KLHL24: variants seen among roughly 807,000 people sequenced by gnomAD.
KLHL24 encodes the protein kelch-like protein 24.
In KLHL24, 29 loss-of-function variants were observed where a neutral mutation model predicts 53.4. The observed-to-expected ratio is 0.54, with a 90% confidence interval of 0.40 to 0.74. The LOEUF (loss-of-function observed/expected upper bound fraction) is 0.74, where lower values mean the gene tolerates loss of function less well. KLHL24 is among the 30% of genes least tolerant of loss of function. The pLI is 0.00. For synonymous variants in KLHL24, 222 were observed against 253.7 expected (o/e 0.88, Z 1.19); for missense variants, 504 against 744.0 (o/e 0.68, Z 3.75).
Position 183,683,508 on chromosome 3 carries a change from C to A in KLHL24, c.*4222C>A, listed in dbSNP as rs1382111159. ...TCTTTAAGGCAGTAGGTTTGACTAG[C>A]TAGCTATCATTATTGTCACATCTAA... is the stretch of plus-strand genomic sequence containing the variant. On this transcript the variant is annotated 3_prime_UTR_variant, in exon 8 of 8. Coordinates refer to ENST00000242810, the MANE Select transcript of KLHL24 (RefSeq NM_017644.3). 6.6e-6 allele frequency: 1 copy of A among 152,582 alleles called. No homozygotes were observed. The highest frequency in any genetic ancestry group is 1.5e-5 in the Non-Finnish European group (1 of 68,040). 9.5% of individuals were successfully genotyped at this position (152,582 alleles called of 1,614,324 possible).
At position 183,680,321 on chromosome 3, in the gene KLHL24, G is replaced by T. The variant is rs1712549616; in HGVS notation, c.*1035G>T. ...GAAAAGAAAAAGAAAAATAGGGATA[G>T]GTTTTCCTTCCTAGCCCAGTAGAGT... On this transcript the variant is annotated 3_prime_UTR_variant, in exon 8 of 8. Coordinates refer to ENST00000242810, the MANE Select transcript of KLHL24 (RefSeq NM_017644.3). The T allele has an allele frequency of 6.6e-6, 1 of 152,132 alleles. No individual in the cohort carries two copies. The highest frequency in any genetic ancestry group is 2.1e-4 in the South Asian group (1 of 4,830). The allele number at this position is 152,132 out of a possible 1,614,324, so 9.4% of individuals were successfully genotyped here.
At position 183,665,885 on chromosome 3, in the gene KLHL24, C is replaced by CT. The variant is rs10692613; in HGVS notation, c.1224+860dup. ...TGTCTGTAGGAACCTGAGAATCAAACTTTTTTTTTTTTTTGAGACAAGGTC... is the reference window on the plus strand; with the variant it reads ...TGTCTGTAGGAACCTGAGAATCAAACTTTTTTTTTTTTTTTGAGACAAGGTC... On this transcript the variant is annotated intron_variant, in intron 5 of 7. Transcript: ENST00000242810. 9.0e-4 allele frequency among the ~76,000 whole-genome samples: 129 copies of CT among 142,926 alleles called. 3 individuals are homozygous for CT. Among genetic ancestry groups the CT allele is most frequent in the East Asian group, 4.3e-3 (21 of 4,896 alleles). The allele number at this position is 142,926 out of a possible 152,430, so 93.8% of individuals were successfully genotyped here. A position where few individuals can be genotyped will look rare whatever the true frequency, so the allele number is the denominator to read the frequency against.
At chr3:183,672,843 A>C (rs972509233) in intron 7 of KLHL24, 1 of 150,252 alleles carries the variant, frequency 6.7e-6, no homozygotes, top group African/African-American at 2.5e-5. Flanking sequence ...AAAAATACAA[A>C]ATTAGCTGGG....
At chr3:183,642,602 C>CAA (rs377410456) in intron 1 of KLHL24, among the ~76,000 whole-genome samples, 56 of 92,954 alleles carry the variant, frequency 6.0e-4, no homozygotes, top group African/African-American at 1.4e-3. Flanking sequence ...CCCCTTCCAC[C>CAA]AAAAAAAAAA....
intron 7 of KLHL24, among the ~76,000 whole-genome samples, chr3:183,677,503 C>A (rs1712095800): frequency 6.6e-6 from 1 of 152,116 alleles, no homozygotes; most frequent in African/African-American, 2.4e-5. Context: ...CTCACAAATT[C>A]TTTCAGACCT....
intron 7 of KLHL24, among the ~76,000 whole-genome samples, chr3:183,676,189 G>A (rs1443351462): frequency 1.3e-5 from 2 of 152,054 alleles, no homozygotes; most frequent in Non-Finnish European, 2.9e-5. Flanking sequence ...TCCGCCTCCC[G>A]GGTTCAAGTG....
chr3:183,650,886 C>T lies in KLHL24; in HGVS notation c.530C>T (p.Thr177Ile), dbSNP rs751221085. The change falls in exon 3 of 8, where the codon ACC (threonine) becomes ATC (isoleucine). Residue 177 changes from threonine (T) to isoleucine (I), a missense_variant. Transcript: ENST00000242810. The surrounding 1 kb of genome is among the most constrained non-coding windows in gnomAD (Gnocchi z 4.5). ...TTAGGAATCCAGCGCTTTGCTGATA[C>T]CCATTCACTCAAAACACTCTTCACA... ...NCLGIQRFADTHSLKTLFTKC... is the reference protein window; with the variant it reads ...NCLGIQRFADIHSLKTLFTKC... 4 of 1,614,112 alleles carry T rather than the reference C, an allele frequency of 2.5e-6. No homozygotes were observed. The Admixed American group carries it at 5.0e-5, about 20-fold the overall frequency.
chr3:183,672,529 A>C, intron 7 of KLHL24, 45 bp downstream of exon 7: 2 of 1,329,014 alleles, frequency 1.5e-6, no homozygotes, highest in South Asian at 2.7e-5. Context: ...TCTAAGAGGG[A>C]CCAAGTACAT....
At chr3:183,639,446 C>T (rs900903865) in intron 1 of KLHL24, among the ~76,000 whole-genome samples, 8 of 150,006 alleles carry the variant, frequency 5.3e-5, no homozygotes, top group African/African-American at 1.7e-4. Context: ...CTGGCTAACA[C>T]GGAGAAACCC....
At chr3:183,662,603 GTC>G (rs1445672278) in intron 3 of KLHL24, among the ~76,000 whole-genome samples, 1 of 152,096 alleles carries the variant, frequency 6.6e-6, no homozygotes, top group Non-Finnish European at 1.5e-5. Context: ...GGTTATTCCT[GTC>G]TCTATTTTAA....
intron 7 of KLHL24, among the ~76,000 whole-genome samples, chr3:183,673,712 G>A (rs1721681910): frequency 6.6e-6 from 1 of 152,098 alleles, no homozygotes; most frequent in South Asian, 2.1e-4. Flanking sequence ...TACCACTCTA[G>A]AGATGTACTC....
chr3:183,654,738 T>C (rs1718611052), intron 3 of KLHL24, among the ~76,000 whole-genome samples: 1 of 152,208 alleles, frequency 6.6e-6, no homozygotes, highest in Non-Finnish European at 1.5e-5. Context: ...CAGTTTCTTT[T>C]TTATGATTCT....
At chr3:183,672,219 G>T (rs2108878246) in intron 6 of KLHL24, 77 bp from the exon 7 acceptor site, 2 of 652,184 alleles carry the variant, frequency 3.1e-6, no homozygotes, top group East Asian at 6.0e-5. Flanking sequence ...ATGTTTGTAG[G>T]TATTGGTAGA....
rs1231877013 is a variant in KLHL24, at chr3:183,672,307, T to C, written c.1425T>C (p.Tyr475=). ...DNTCSDKVQS[Y]DPETNSWLLR... Reference sequence around the variant, plus strand: ...TTATATGTTATTAGGTTCAATCTTATGATCCAGAAACCAATTCTTGGCTAC... The same window carrying C: ...TTATATGTTATTAGGTTCAATCTTACGATCCAGAAACCAATTCTTGGCTAC... Residue 475 remains tyrosine, a synonymous_variant, in exon 7 of 8, where the codon TAT becomes TAC. Coordinates refer to ENST00000242810, the MANE Select transcript of KLHL24 (RefSeq NM_017644.3). 4 of 1,580,658 alleles carry C rather than the reference T, an allele frequency of 2.5e-6. No individual in the cohort carries two copies. The highest frequency in any genetic ancestry group is 3.6e-5 in the Admixed American group (2 of 55,422).
chr3:183,652,465 C>T (rs1178349313), intron 3 of KLHL24, among the ~76,000 whole-genome samples: 1 of 151,864 alleles, frequency 6.6e-6, no homozygotes, highest in African/African-American at 2.4e-5. Context: ...AAACACATAA[C>T]ATAAACTTTA....
In KLHL24 at chr3:183,683,228, G is replaced by A. The variant is rs904385935; in HGVS notation, c.*3942G>A. On this transcript the variant is annotated 3_prime_UTR_variant, in exon 8 of 8. Coordinates refer to ENST00000242810, the MANE Select transcript of KLHL24 (RefSeq NM_017644.3). ...ATTACAGGCGTGAGCCACCACCCCC[G>A]GCCTGTATTTTCAGAGAGGAGAGCT... is the stretch of plus-strand genomic sequence containing the variant. 1.3e-5 allele frequency: 2 copies of A among 152,784 alleles called. No homozygotes were observed. Among genetic ancestry groups the A allele is most frequent in the African/African-American group, 2.4e-5 (1 of 41,418 alleles). 9.5% of individuals were successfully genotyped at this position (152,784 alleles called of 1,614,324 possible).
At chr3:183,647,920 C>T (rs1257202229) in intron 2 of KLHL24, among the ~76,000 whole-genome samples, 3 of 152,090 alleles carry the variant, frequency 2.0e-5, no homozygotes, top group African/African-American at 4.8e-5. Context: ...GCACGAAAAT[C>T]GCTTGAACCC....
At chr3:183,665,540 G>A (rs1433550819) in intron 5 of KLHL24, among the ~76,000 whole-genome samples, 1 of 152,144 alleles carries the variant, frequency 6.6e-6, no homozygotes, top group East Asian at 1.9e-4. Context: ...CATGAGGTCA[G>A]GAGATCGAGA....
intron 3 of KLHL24, among the ~76,000 whole-genome samples, chr3:183,654,832 T>C (rs1380396680): frequency 2.0e-5 from 3 of 152,266 alleles, no homozygotes; most frequent in African/African-American, 4.8e-5. Context: ...CATTTAGCTG[T>C]GTTTCCTGGA....
Sources: gnomAD v4.1 joint callset for allele counts (sites outside exome capture counted in the v4.1 genomes callset) on GRCh38, gnomAD v4.1.1 for gene constraint, Gnocchi (gnomAD v3.1) non-coding constraint, MANE v1.5 for transcripts, NCBI Gene and HGNC (gene_info 2026-07-23, HGNC 2026-07-21) for gene names.